The following EXOC4 variants were observed in gnomAD, a reference collection of about 807,000 sequenced individuals.
EXOC4 encodes SEC8-like 1.
EXOC4 carries 71 observed loss-of-function variants against 107.2 expected under a neutral mutation model. That is an observed-to-expected ratio of 0.66 (90% CI 0.55 to 0.81). The LOEUF is 0.81. EXOC4 is among the 30% of genes least tolerant of loss of function. The pLI is 0.00. For synonymous variants in EXOC4, 456 were observed against 441.2 expected, an observed-to-expected ratio of 1.03 and a Z score of -0.42; for missense variants, 1,108 against 1,189.6, an observed-to-expected ratio of 0.93 and a Z score of 1.01.
At chr7:133,867,444 G>C (rs1798664568) in intron 11 of EXOC4, among the ~76,000 whole-genome samples, 1 of 152,140 alleles carries the variant, frequency 6.6e-6, no homozygotes, top group Admixed American at 6.5e-5. Context: ...CCTTCCCATT[G>C]AGGGCAGTCT....
intron 9 of EXOC4, chr7:133,484,101 A>G: frequency 6.2e-7 from 1 of 1,613,470 alleles, no homozygotes; most frequent in Non-Finnish European, 8.5e-7. Context: ...CTCAAATTTT[A>G]CAAAAGTTAA....
intron 11 of EXOC4, among the ~76,000 whole-genome samples, chr7:133,881,368 C>A (rs1798964159): frequency 6.7e-6 from 1 of 149,498 alleles, no homozygotes; most frequent in Admixed American, 6.7e-5. Context: ...GCTGCATCTA[C>A]TTGAAGTGCT....
chr7:133,771,843 G>C (rs1214805642), intron 10 of EXOC4, among the ~76,000 whole-genome samples: 1 of 151,860 alleles, frequency 6.6e-6, no homozygotes, highest in Non-Finnish European at 1.5e-5. Flanking sequence ...AGGTATGGGA[G>C]GGAAACAGGG....
intron 6 of EXOC4, among the ~76,000 whole-genome samples, chr7:133,359,091 A>T (rs1339380504): frequency 2.6e-5 from 4 of 152,304 alleles, no homozygotes; most frequent in African/African-American, 7.2e-5. Context: ...ACTGTTTATT[A>T]TGAGACAAAA....
intron 10 of EXOC4, among the ~76,000 whole-genome samples, chr7:133,795,099 G>A (rs752549209): frequency 4.8e-4 from 73 of 151,934 alleles, no homozygotes; most frequent in Admixed American, 7.2e-4. Flanking sequence ...CAAGTATTAC[G>A]CAGCCAGCTC....
intron 11 of EXOC4, among the ~76,000 whole-genome samples, chr7:133,890,757 G>T (rs1247134794): frequency 2.0e-4 from 5 of 25,004 alleles, no homozygotes; most frequent in African/African-American, 1.6e-3. Flanking sequence ...TATTTCTGAG[G>T]GCTCTGTTCT....
chr7:133,977,495 C>T (rs550552664), intron 14 of EXOC4, among the ~76,000 whole-genome samples: 127 of 152,194 alleles, frequency 8.3e-4, no homozygotes, highest in Non-Finnish European at 1.3e-3. Flanking sequence ...TCCTCCCACT[C>T]GTCCTCAGCC....
At chr7:133,713,318 A>G (rs1272393839) in intron 10 of EXOC4, among the ~76,000 whole-genome samples, 2 of 152,218 alleles carry the variant, frequency 1.3e-5, no homozygotes, top group South Asian at 2.1e-4. Flanking sequence ...ATTCCTACCA[A>G]CTAGATTGTG....
chr7:134,028,186 T>C (rs1431181065), intron 17 of EXOC4, among the ~76,000 whole-genome samples: 2 of 152,230 alleles, frequency 1.3e-5, no homozygotes, highest in Non-Finnish European at 2.9e-5. Context: ...TCTCTAATAC[T>C]AGAGTAACAT....
intron 10 of EXOC4, among the ~76,000 whole-genome samples, chr7:133,769,077 T>C (rs7808386): frequency 0.99 from 149,918 of 152,018 alleles, 73,975 homozygotes; most frequent in Middle Eastern, 1. Context: ...TGACTTTCCA[T>C]ATCTTCATTG....
intron 9 of EXOC4, among the ~76,000 whole-genome samples, chr7:133,537,451 G>A (rs1467576399): frequency 1.3e-5 from 2 of 152,054 alleles, no homozygotes; most frequent in African/African-American, 4.8e-5. Context: ...GAGCCACCAC[G>A]CCCGGCCTAA....
intron 8 of EXOC4, among the ~76,000 whole-genome samples, chr7:133,476,026 A>T (rs997499290): frequency 1.8e-4 from 27 of 152,160 alleles, no homozygotes; most frequent in African/African-American, 6.0e-4. Flanking sequence ...TAACTTCAAT[A>T]GTAACAACAG....
chr7:133,488,018 A>G (rs1168332288), intron 9 of EXOC4, among the ~76,000 whole-genome samples: 6 of 152,210 alleles, frequency 3.9e-5, no homozygotes, highest in African/African-American at 1.4e-4. Context: ...CATATGGTAA[A>G]GAAAGTAATT....
intron 1 of EXOC4, among the ~76,000 whole-genome samples, chr7:133,266,893 A>G (rs566163610): frequency 1.3e-5 from 2 of 152,318 alleles, no homozygotes; most frequent in South Asian, 2.1e-4. Flanking sequence ...ACTGGAGTCC[A>G]TATTTTTTGA....
chr7:133,287,083 G>C (rs1794296739), intron 2 of EXOC4, among the ~76,000 whole-genome samples: 1 of 152,132 alleles, frequency 6.6e-6, no homozygotes, highest in Non-Finnish European at 1.5e-5. Flanking sequence ...TCTCTGGCCT[G>C]CTAATTTAGT....
chr7:133,807,522 A>G (rs933161317), intron 10 of EXOC4, among the ~76,000 whole-genome samples: 3 of 152,296 alleles, frequency 2.0e-5, no homozygotes, highest in African/African-American at 7.2e-5. Context: ...ATAAGTTTCC[A>G]GGTGTATGAT....
intron 11 of EXOC4, among the ~76,000 whole-genome samples, chr7:133,893,673 C>T (rs1215236348): frequency 1.5e-5 from 1 of 65,574 alleles, no homozygotes; most frequent in Non-Finnish European, 2.6e-5. Context: ...TTTTATTTCT[C>T]CTTCACTTAT....
chr7:133,283,201 C>T (rs1172464113), intron 2 of EXOC4, among the ~76,000 whole-genome samples: 3 of 152,136 alleles, frequency 2.0e-5, no homozygotes, highest in Non-Finnish European at 4.4e-5. Flanking sequence ...TTACTGAGCT[C>T]AGGCGATCCT....
At chr7:133,305,778 C>G in intron 3 of EXOC4, 99 bp from the exon 4 acceptor site, 1 of 893,992 alleles carries the variant, frequency 1.1e-6, no homozygotes, top group Non-Finnish European at 1.5e-6. Context: ...TTCTCGTAAG[C>G]TCCCTTTGTT....
Sources: gnomAD v4.1 joint callset for allele counts (sites outside exome capture counted in the v4.1 genomes callset) on GRCh38, gnomAD v4.1.1 for gene constraint, MANE v1.5 for transcripts, NCBI Gene and HGNC (gene_info 2026-07-23, HGNC 2026-07-21) for gene names.